The following NXPH4 variants were observed in gnomAD, a reference collection of about 807,000 sequenced individuals.
NXPH4 encodes the protein neurexophilin 4, also known as neurexophilin-4.
In NXPH4, 8 loss-of-function variants were observed where a neutral mutation model predicts 21.3. The observed-to-expected ratio is 0.38, with a 90% CI of 0.22 to 0.68. NXPH4 has a LOEUF of 0.68. Ranked by LOEUF, NXPH4 falls within the 30% of genes least tolerant of loss-of-function variation. The pLI is 0.53. For missense variants in NXPH4, 418 were observed against 416.8 expected (o/e 1.00, Z -0.03); for synonymous variants, 219 against 192.6 (o/e 1.14, Z -1.13).
Position 57,216,977 on chromosome 12 carries a change from T to G in NXPH4, c.8T>G (p.Leu3Arg). ...GCTCAGCCGCCAGAGAAGATGCGGC[T>G]GCTCCCGGAATGGTTCCTCTTGCTC... MRLLPEWFLLLFG... is the reference protein window; with the variant it reads MRRLPEWFLLLFG... Residue 3 changes from leucine (L) to arginine (R), a missense_variant, in exon 1 of 2, where the codon CTG (leucine) becomes CGG (arginine). Leu to Arg is a moderately radical substitution (Grantham distance 102). Transcript: ENST00000349394. The surrounding 1 kb of genome is among the most constrained non-coding windows in gnomAD (Gnocchi z 5.3). 1 of 1,601,824 alleles carries G rather than the reference T, an allele frequency of 6.2e-7. No individual in the cohort carries two copies. The highest frequency in any genetic ancestry group is 8.5e-7 in the Non-Finnish European group (1 of 1,174,994).
Position 57,225,937 on chromosome 12 carries a change from G to T in NXPH4, c.*190G>T. ...TTTCCTTATGCGGAGTGCCCGCAAG[G>T]CTGGGGTAGCCCCCTCCAGTACACC... On this transcript the variant is annotated 3_prime_UTR_variant, in exon 2 of 2. Transcript: ENST00000349394. 2.1e-6 allele frequency: 3 copies of T among 1,435,966 alleles called. No individual in the cohort carries two copies. The highest frequency in any genetic ancestry group is 2.7e-6 in the Non-Finnish European group (3 of 1,100,054). 89.0% of individuals were successfully genotyped at this position (1,435,966 alleles called of 1,614,324 possible).
At chr12:57,223,713 A>G (rs967501037) in intron 1 of NXPH4, among the ~76,000 whole-genome samples, 1 of 152,008 alleles carries the variant, frequency 6.6e-6, no homozygotes, top group African/African-American at 2.4e-5. Context: ...CGGCATCTCC[A>G]TATTTCTTCC....
At chr12:57,223,509 T>G (rs928331819) in intron 1 of NXPH4, among the ~76,000 whole-genome samples, 1 of 151,764 alleles carries the variant, frequency 6.6e-6, no homozygotes, top group African/African-American at 2.4e-5. Context: ...CACACACACA[T>G]GTACCGGCCA....
At chr12:57,217,233 C>G (rs1051362802) in intron 1 of NXPH4, among the ~76,000 whole-genome samples, 10 of 152,268 alleles carry the variant, frequency 6.6e-5, no homozygotes, top group African/African-American at 2.4e-4. Context: ...GAGAGGGTGC[C>G]GGGCGGAGGT....
rs1180855039 is a variant in NXPH4, at chr12:57,216,842, C to G, written c.-128C>G. ...CCAGTCCGCGGGCCGCGCCGCCGCT[C>G]CCGCCGCTCCCGCCGCTCCCGCCGC... On this transcript the variant is annotated 5_prime_UTR_variant, in exon 1 of 2. Coordinates refer to ENST00000349394, the MANE Select transcript of NXPH4 (RefSeq NM_007224.4). This position sits in a 1 kb window ranked among gnomAD's most constrained non-coding sequence, Gnocchi z 5.3. The G allele has an allele frequency of 5.4e-3, 13 of 2,392 alleles. No homozygotes were observed. The highest frequency in any genetic ancestry group is 0.062 in the South Asian group (2 of 32). 0.1% of individuals were successfully genotyped at this position (2,392 alleles called of 1,614,324 possible). A position where few individuals can be genotyped will look rare whatever the true frequency, so the allele number is the denominator to read the frequency against.
intron 1 of NXPH4, among the ~76,000 whole-genome samples, chr12:57,220,513 C>G (rs942800749): frequency 6.6e-6 from 1 of 152,344 alleles, no homozygotes; most frequent in East Asian, 1.9e-4. Flanking sequence ...GAGCCTTGCG[C>G]GGCAGGCCAA....
Position 57,224,895 on chromosome 12 carries a change from A to G in NXPH4, c.75A>G (p.Ile25Met), listed in dbSNP as rs2037125864. 1.9e-6 allele frequency: 2 copies of G among 1,057,304 alleles called. No homozygotes were observed. 65.5% of individuals were successfully genotyped at this position (1,057,304 alleles called of 1,614,324 possible). The change falls in exon 2 of 2, where the codon ATA (isoleucine) becomes ATG (methionine). Residue 25 changes from isoleucine (I) to methionine (M), a missense_variant. Physicochemically the swap from Ile to Met is conservative, Grantham distance 10. Coordinates refer to ENST00000349394, the MANE Select transcript of NXPH4 (RefSeq NM_007224.4). ...GTGCACAGGCCGTCAGTGCCCAGAT[A>G]CCAGAGTCCGGAAGGCCGCAGTACC... Reference protein sequence around the residue: ...WLLRKAVSAQIPESGRPQYLG... With the variant: ...WLLRKAVSAQMPESGRPQYLG...
chr12:57,217,066 G>T (rs1180113581), intron 1 of NXPH4, 40 bp downstream of exon 1: 3 of 1,553,148 alleles, frequency 1.9e-6, no homozygotes, highest in Non-Finnish European at 2.6e-6. Context: ...CGGGCGCGGG[G>T]TTCCGGGACG....
chr12:57,224,955 C>T lies in NXPH4; in HGVS notation c.135C>T (p.Ala45=), dbSNP rs757581847. The change falls in exon 2 of 2, where the codon GCC becomes GCT. Residue 45 remains alanine (A), a synonymous_variant. Transcript: ENST00000349394. ...GLRPAAAGAG[A]PGQQLPEPRS... is the part of the protein sequence containing the mutation. ...GCCCCGCCGCGGCCGGAGCGGGTGCCCCCGGCCAGCAGCTCCCAGAGCCAA... is the reference window on the plus strand; with the variant it reads ...GCCCCGCCGCGGCCGGAGCGGGTGCTCCCGGCCAGCAGCTCCCAGAGCCAA... The T allele has an allele frequency of 1.6e-5, 22 of 1,412,430 alleles. No individual in the cohort carries two copies. Among genetic ancestry groups the T allele is most frequent in the Non-Finnish European group, 1.9e-5 (21 of 1,082,560 alleles). 87.5% of individuals were successfully genotyped at this position (1,412,430 alleles called of 1,614,324 possible). A position where few individuals can be genotyped will look rare whatever the true frequency, so the allele number is the denominator to read the frequency against.
At chr12:57,219,012 A>G (rs373093945) in intron 1 of NXPH4, among the ~76,000 whole-genome samples, 2 of 152,054 alleles carry the variant, frequency 1.3e-5, no homozygotes, top group East Asian at 3.9e-4. Flanking sequence ...TGAGTGTGCT[A>G]TGAGATTGTG....
At chr12:57,224,380 C>G (rs896949337) in intron 1 of NXPH4, among the ~76,000 whole-genome samples, 7 of 152,206 alleles carry the variant, frequency 4.6e-5, no homozygotes, top group East Asian at 1.9e-4. Flanking sequence ...CCTCAGCCCC[C>G]CAAAGTGCTG....
rs1183259908 is a variant in NXPH4, at chr12:57,226,028, C to T, written c.*281C>T. ...GGGCTTGGAGGCGGTCCCAATGTCCCCTGGGTCCACAGTGGGTCCCCTTTT... is the reference window on the plus strand; with the variant it reads ...GGGCTTGGAGGCGGTCCCAATGTCCTCTGGGTCCACAGTGGGTCCCCTTTT... On this transcript the variant is annotated 3_prime_UTR_variant, in exon 2 of 2. Transcript: ENST00000349394. 1.3e-5 allele frequency: 13 copies of T among 1,018,578 alleles called. No homozygotes were observed. In the South Asian group the frequency reaches 2.1e-4, roughly 16 times the overall value. 63.1% of individuals were successfully genotyped at this position (1,018,578 alleles called of 1,614,324 possible).
chr12:57,225,102 G>A lies in NXPH4; in HGVS notation c.282G>A (p.Lys94=), dbSNP rs1161389947. The change falls in exon 2 of 2, where the codon AAG becomes AAA. Residue 94 remains lysine, a synonymous_variant. Coordinates refer to ENST00000349394, the MANE Select transcript of NXPH4 (RefSeq NM_007224.4). ...GALPAQRTKR[K]PSIKAARAKK... Reference sequence around the variant, plus strand: ...TGCCCGCGCAGCGCACCAAGAGGAAGCCGTCCATCAAGGCGGCGCGCGCCA... The same window carrying A: ...TGCCCGCGCAGCGCACCAAGAGGAAACCGTCCATCAAGGCGGCGCGCGCCA... 2 of 1,501,874 alleles carry A rather than the reference G, an allele frequency of 1.3e-6. No individual in the cohort carries two copies. Among genetic ancestry groups the A allele is most frequent in the African/African-American group, 2.8e-5 (2 of 71,072 alleles). 93.0% of individuals were successfully genotyped at this position (1,501,874 alleles called of 1,614,324 possible).
At chr12:57,222,409 C>T (rs1405369198) in intron 1 of NXPH4, among the ~76,000 whole-genome samples, 2 of 151,800 alleles carry the variant, frequency 1.3e-5, no homozygotes, top group African/African-American at 4.8e-5. Flanking sequence ...TGGCCTGAAT[C>T]ACCCCAGCCA....
intron 1 of NXPH4, among the ~76,000 whole-genome samples, chr12:57,217,361 C>T (rs759536468): frequency 6.6e-6 from 1 of 152,204 alleles, no homozygotes; most frequent in African/African-American, 2.4e-5. Context: ...TCAGCCTTGC[C>T]GTCTTTCCGC....
chr12:57,225,061 G>C lies in NXPH4; in HGVS notation c.241G>C (p.Gly81Arg). 1 of 1,471,774 alleles carries C rather than the reference G, an allele frequency of 6.8e-7. No homozygotes were observed. The highest frequency in any genetic ancestry group is 9.0e-7 in the Non-Finnish European group (1 of 1,109,974). 91.2% of individuals were successfully genotyped at this position (1,471,774 alleles called of 1,614,324 possible). ...TNHTGALARA[G>R]AAGALPAQRT... The stretch of plus-strand genomic sequence containing the variant: ...CCACACGGGGGCGCTGGCCCGGGCA[G>C]GGGCAGCCGGGGCGTTGCCCGCGCA... Residue 81 changes from glycine to arginine, a missense_variant, in exon 2 of 2, where the codon GGG (glycine) becomes CGG (arginine). Transcript: ENST00000349394.
At chr12:57,221,812 G>C (rs1357263385) in intron 1 of NXPH4, among the ~76,000 whole-genome samples, 1 of 152,180 alleles carries the variant, frequency 6.6e-6, no homozygotes, top group Non-Finnish European at 1.5e-5. Flanking sequence ...AAGAGCTCTG[G>C]GCAGAGGAGC....
chr12:57,220,419 G>T (rs956318282), intron 1 of NXPH4, among the ~76,000 whole-genome samples: 1 of 152,268 alleles, frequency 6.6e-6, no homozygotes, highest in African/African-American at 2.4e-5. Context: ...GGGGGCAGTC[G>T]TTCCCGCGGG....
rs112336212 is a variant in NXPH4, at chr12:57,217,522, A to G, written c.57+496A>G. On this transcript the variant is annotated intron_variant, in intron 1 of 1. Coordinates refer to ENST00000349394, the MANE Select transcript of NXPH4 (RefSeq NM_007224.4). ...CGAGCACACACGCACACACGGACTC[A>G]GGCAGACACGGCTGAACTTGGCTAC... Among the ~76,000 whole-genome samples, 930 of 152,312 alleles carry G rather than the reference A, an allele frequency of 6.1e-3. 6 individuals are homozygous for G. Among genetic ancestry groups the G allele is most frequent in the Non-Finnish European group, 0.011 (718 of 68,032 alleles).
Sources: gnomAD v4.1 joint callset for allele counts (sites outside exome capture counted in the v4.1 genomes callset) on GRCh38, gnomAD v4.1.1 for gene constraint, Gnocchi (gnomAD v3.1) non-coding constraint, MANE v1.5 for transcripts, NCBI Gene and HGNC (gene_info 2026-07-23, HGNC 2026-07-21) for gene names.